MALRD1: variants seen among roughly 807,000 people sequenced by gnomAD.
MALRD1 encodes the protein MAM and LDL-receptor class A domain-containing protein 1.
A neutral mutation model predicts 242.1 loss-of-function variants in MALRD1; 247 were observed. The ratio of observed to expected loss-of-function variants is 1.02; its 90% CI spans 0.92 to 1.13. The LOEUF (loss-of-function observed/expected upper bound fraction) is 1.13. Among genes scored for constraint, MALRD1 ranks in the 50% most tolerant of loss-of-function variants. The pLI, the probability that MALRD1 is intolerant of heterozygous loss-of-function variation, is 0.00. For synonymous variants in MALRD1, 995 were observed against 866.6 expected (o/e 1.15, Z -2.60); for missense variants, 2,989 against 2,533.1 (o/e 1.18, Z -3.86).
chr10:19,318,352 T>A (rs1031441112), intron 21 of MALRD1, among the ~76,000 whole-genome samples: 1 of 151,936 alleles, frequency 6.6e-6, no homozygotes, highest in Non-Finnish European at 1.5e-5. Flanking sequence ...ATTGATCTCC[T>A]GACATATCTC....
chr10:19,641,944 A>G (rs1042446231), intron 36 of MALRD1, among the ~76,000 whole-genome samples: 11 of 152,168 alleles, frequency 7.2e-5, no homozygotes, highest in African/African-American at 1.9e-4. Context: ...GTTCAGAATA[A>G]TAGGAGTCAA....
rs144592035 is a variant in MALRD1, at chr10:19,389,743, G to A, written c.4845+134G>A. 23 of 912,116 alleles carry A rather than the reference G, an allele frequency of 2.5e-5. No individual in the cohort carries two copies. The Admixed American group carries it at 4.6e-4, about 18-fold the overall frequency. The allele number at this position is 912,116 out of a possible 1,614,324, so 56.5% of individuals were successfully genotyped here. A position where few individuals can be genotyped will look rare whatever the true frequency, so the allele number is the denominator to read the frequency against. Reference sequence around the variant, plus strand: ...CAGCCTCCAACTCCTGGACTCAAGCGATCCTCCTGCCTCTGCCTCCCGAAT... The same window carrying A: ...CAGCCTCCAACTCCTGGACTCAAGCAATCCTCCTGCCTCTGCCTCCCGAAT... On this transcript the variant is annotated intron_variant, in intron 28 of 39. Coordinates refer to ENST00000454679, the MANE Select transcript of MALRD1 (RefSeq NM_001142308.3).
chr10:19,334,130 T>G (rs1319597864), intron 24 of MALRD1, among the ~76,000 whole-genome samples: 1 of 147,390 alleles, frequency 6.8e-6, no homozygotes, highest in Non-Finnish European at 1.5e-5. Context: ...TTTTTTTTTT[T>G]TTTTTTTTTT....
At chr10:19,240,757 CA>C (rs1253958603) in intron 18 of MALRD1, among the ~76,000 whole-genome samples, 1 of 151,984 alleles carries the variant, frequency 6.6e-6, no homozygotes, top group Non-Finnish European at 1.5e-5. Flanking sequence ...ACTTTCTTGA[CA>C]GTTTTTATCA....
At chr10:19,329,890 G>A (rs1041694331) in intron 23 of MALRD1, among the ~76,000 whole-genome samples, 1 of 152,124 alleles carries the variant, frequency 6.6e-6, no homozygotes, top group Non-Finnish European at 1.5e-5. Context: ...ATTTGAACAA[G>A]GCAAGTATCT....
intron 29 of MALRD1, among the ~76,000 whole-genome samples, chr10:19,467,868 A>C (rs1836299963): frequency 6.6e-6 from 1 of 151,842 alleles, no homozygotes; most frequent in Non-Finnish European, 1.5e-5. Context: ...ATCTCGGCTC[A>C]CTGCAACCTC....
chr10:19,458,884 T>G (rs893487734), intron 29 of MALRD1, among the ~76,000 whole-genome samples: 4 of 142,088 alleles, frequency 2.8e-5, no homozygotes, highest in Non-Finnish European at 6.2e-5. Flanking sequence ...TAGATATGTA[T>G]AGTTGAGTTA....
chr10:19,355,842 A>ATTTT (rs1259771142), intron 26 of MALRD1, among the ~76,000 whole-genome samples: 192 of 112,286 alleles, frequency 1.7e-3, no homozygotes, highest in East Asian at 5.4e-3. Flanking sequence ...AAGAACATAT[A>ATTTT]TTATATATAT....
chr10:19,156,462 GT>G (rs36080909), intron 12 of MALRD1, among the ~76,000 whole-genome samples: 63,712 of 126,320 alleles, frequency 0.5, 14,022 homozygotes, highest in East Asian at 0.63. Flanking sequence ...GATATAGAGC[GT>G]TTTTTTTTTT....
chr10:19,319,823 C>G, intron 21 of MALRD1, among the ~76,000 whole-genome samples: 1 of 151,978 alleles, frequency 6.6e-6, no homozygotes, highest in Non-Finnish European at 1.5e-5. Flanking sequence ...TTTAGGAGTT[C>G]AACATGTGAA....
chr10:19,612,926 G>C (rs1325452969), intron 35 of MALRD1, among the ~76,000 whole-genome samples: 1 of 151,894 alleles, frequency 6.6e-6, no homozygotes, highest in South Asian at 2.1e-4. Flanking sequence ...CATAAGATTT[G>C]GATAGGGACA....
At chr10:19,241,591 A>T (rs1323662191) in intron 18 of MALRD1, among the ~76,000 whole-genome samples, 2 of 151,730 alleles carry the variant, frequency 1.3e-5, no homozygotes, top group Non-Finnish European at 2.9e-5. Flanking sequence ...CCTTCTACCA[A>T]TTTTGGGATT....
Position 19,117,755 on chromosome 10 carries a change from A to G in MALRD1, c.695-5737A>G, listed in dbSNP as rs76494509. The stretch of plus-strand genomic sequence containing the variant: ...GAGAAACCAGATTGTGGATGCATTC[A>G]TAAATCATTTCCATAACCAATTGCT... On this transcript the variant is annotated intron_variant, in intron 5 of 39. Transcript: ENST00000454679. Among the ~76,000 whole-genome samples the G allele has an allele frequency of 6.6e-3, 1,003 of 152,338 alleles. 10 individuals are homozygous for G. Among genetic ancestry groups the G allele is most frequent in the African/African-American group, 0.023 (968 of 41,582 alleles).
intron 35 of MALRD1, among the ~76,000 whole-genome samples, chr10:19,615,460 G>A (rs1460525098): frequency 4.8e-5 from 6 of 124,748 alleles, no homozygotes. Flanking sequence ...AGGCTGCAGT[G>A]AGCTGTGTTT....
At chr10:19,486,295 C>G (rs2131196638) in intron 29 of MALRD1, among the ~76,000 whole-genome samples, 1 of 152,166 alleles carries the variant, frequency 6.6e-6, no homozygotes, top group South Asian at 2.1e-4. Flanking sequence ...TTTTTTAACT[C>G]CTGCTCACTC....
chr10:19,327,423 A>C, intron 22 of MALRD1, 140 bp from the exon 23 acceptor site: 1 of 599,252 alleles, frequency 1.7e-6, no homozygotes, highest in South Asian at 2.3e-5. Flanking sequence ...ATATCTAATA[A>C]AAAATATCTT....
At chr10:19,404,253 CT>C (rs1437176349) in intron 28 of MALRD1, among the ~76,000 whole-genome samples, 1 of 151,906 alleles carries the variant, frequency 6.6e-6, no homozygotes, top group Admixed American at 6.6e-5. Flanking sequence ...TGCACTTATG[CT>C]TTTTTTATTA....
At chr10:19,729,856 C>G (rs1343901940) in intron 38 of MALRD1, among the ~76,000 whole-genome samples, 8 of 149,490 alleles carry the variant, frequency 5.4e-5, no homozygotes, top group Non-Finnish European at 1.0e-4. Flanking sequence ...CCTGCCTCAG[C>G]CTCCCAAGTA....
chr10:19,290,275 A>G (rs1232806984), intron 21 of MALRD1: 1 of 152,208 alleles, frequency 6.6e-6, no homozygotes, highest in Non-Finnish European at 1.5e-5. Flanking sequence ...GAGTAACACC[A>G]TTCCATACAG....
Sources: allele counts gnomAD v4.1 joint callset (sites outside exome capture counted in the v4.1 genomes callset), GRCh38; gene constraint gnomAD v4.1.1; transcripts MANE v1.5; gene names NCBI Gene and HGNC (gene_info 2026-07-23, HGNC 2026-07-21).